MCUB: variants seen among roughly 807,000 people sequenced by gnomAD.
MCUB encodes mitochondrial calcium uniporter dominant negative subunit beta.
MCUB carries 46 observed loss-of-function variants against 41.4 expected under a neutral mutation model. The ratio of observed to expected loss-of-function variants is 1.11; its 90% CI spans 0.88 to 1.42. The LOEUF is 1.42. Ranked by LOEUF, MCUB falls within the 40% of genes most tolerant of loss-of-function variation. The pLI is 0.00. For synonymous variants in MCUB, 148 were observed against 148.2 expected, an observed-to-expected ratio of 1.00 and a Z score of 0.01; for missense variants, 403 against 404.9, an observed-to-expected ratio of 1.00 and a Z score of 0.04.
At chr4:109,561,324 C>T (rs1386811942) in intron 1 of MCUB, among the ~76,000 whole-genome samples, 1 of 152,170 alleles carries the variant, frequency 6.6e-6, no homozygotes, top group Non-Finnish European at 1.5e-5. Flanking sequence ...AAAAAGTAAG[C>T]AGTGTGATTC....
At chr4:109,618,946 T>G (rs1352531367) in intron 1 of MCUB, among the ~76,000 whole-genome samples, 3 of 141,616 alleles carry the variant, frequency 2.1e-5, no homozygotes, top group Non-Finnish European at 4.5e-5. Flanking sequence ...TTATTGAACA[T>G]TAAACTTCTC....
intron 1 of MCUB, among the ~76,000 whole-genome samples, chr4:109,639,623 C>T (rs1360009512): frequency 6.6e-6 from 1 of 152,050 alleles, no homozygotes; most frequent in African/African-American, 2.4e-5. Context: ...GGAGGTAGAA[C>T]TTGCAGGGAG....
chr4:109,655,159 T>G (rs1729062405), intron 1 of MCUB, among the ~76,000 whole-genome samples: 1 of 152,226 alleles, frequency 6.6e-6, no homozygotes, highest in Non-Finnish European at 1.5e-5. Flanking sequence ...TTCTAAAGGA[T>G]ACAGCTAAAC....
intron 1 of MCUB, among the ~76,000 whole-genome samples, chr4:109,610,496 T>G (rs988946939): frequency 2.0e-5 from 3 of 152,216 alleles, no homozygotes; most frequent in East Asian, 1.9e-4. Flanking sequence ...TATTGAGAGA[T>G]AGTGTTCATT....
chr4:109,628,459 A>T (rs2126137329), intron 1 of MCUB, among the ~76,000 whole-genome samples: 1 of 152,318 alleles, frequency 6.6e-6, no homozygotes, highest in Admixed American at 6.5e-5. Context: ...TACATGGGGA[A>T]TGATTGCAGA....
intron 1 of MCUB, among the ~76,000 whole-genome samples, chr4:109,624,173 C>A (rs750489538): frequency 5.3e-5 from 8 of 152,192 alleles, no homozygotes; most frequent in Non-Finnish European, 1.0e-4. Context: ...TTCTTCTGAT[C>A]TTAGACAGTG....
chr4:109,624,231 T>A (rs1203673145), intron 1 of MCUB, among the ~76,000 whole-genome samples: 1 of 152,154 alleles, frequency 6.6e-6, no homozygotes, highest in South Asian at 2.1e-4. Context: ...TTATGGAAAG[T>A]TATGAGTTTG....
At chr4:109,664,164 C>A in intron 3 of MCUB, 126 bp from the exon 4 acceptor site, 1 of 642,730 alleles carries the variant, frequency 1.6e-6, no homozygotes, top group African/African-American at 1.8e-5. Context: ...TGGGGACACC[C>A]CCCACAAAAG....
In MCUB at chr4:109,615,611, G is replaced by A. The variant is rs1400786233; in HGVS notation, c.100-43400G>A. Among the ~76,000 whole-genome samples the A allele has an allele frequency of 5.3e-5, 8 of 151,770 alleles. No homozygotes were observed. In the East Asian group the frequency reaches 7.8e-4, roughly 15 times the overall value. On this transcript the variant is annotated intron_variant, in intron 1 of 7. Coordinates refer to ENST00000394650, the MANE Select transcript of MCUB (RefSeq NM_017918.5). ...TTTTTAGTAGAGATGGGGTTTCACC[G>A]TATTAGCCAGGATGGTCTCGAACTC...
chr4:109,686,738 T>C (rs527545138), intron 7 of MCUB, among the ~76,000 whole-genome samples: 6 of 152,288 alleles, frequency 3.9e-5, no homozygotes, highest in Non-Finnish European at 8.8e-5. Context: ...TAGCTGGACA[T>C]GGTGGCACAT....
intron 1 of MCUB, among the ~76,000 whole-genome samples, chr4:109,561,833 C>T (rs1359960913): frequency 1.3e-5 from 2 of 152,178 alleles, no homozygotes; most frequent in African/African-American, 4.8e-5. Flanking sequence ...ACTGCAACTT[C>T]CGCCTCCTGG....
At chr4:109,574,258 G>T (rs193237537) in intron 1 of MCUB, among the ~76,000 whole-genome samples, 23 of 152,322 alleles carry the variant, frequency 1.5e-4, no homozygotes, top group African/African-American at 5.5e-4. Flanking sequence ...TTGTCATTCT[G>T]TGTTGCTTCC....
intron 4 of MCUB, among the ~76,000 whole-genome samples, chr4:109,672,406 A>C (rs939680088): frequency 6.6e-6 from 1 of 152,180 alleles, no homozygotes; most frequent in African/African-American, 2.4e-5. Context: ...TTTTCCTTCA[A>C]TGCTAGTTTA....
chr4:109,604,094 C>G (rs1039862052), intron 1 of MCUB, among the ~76,000 whole-genome samples: 16 of 151,928 alleles, frequency 1.1e-4, no homozygotes, highest in Admixed American at 9.8e-4. Context: ...CCCCCAACCC[C>G]GTGCTCTCTG....
intron 1 of MCUB, among the ~76,000 whole-genome samples, chr4:109,591,348 G>A (rs1439623460): frequency 6.6e-6 from 1 of 152,056 alleles, no homozygotes; most frequent in Admixed American, 6.5e-5. Flanking sequence ...ACCACGCCTG[G>A]CTAATTTTTG....
intron 1 of MCUB, among the ~76,000 whole-genome samples, chr4:109,569,667 C>A (rs1726867176): frequency 6.6e-6 from 1 of 151,908 alleles, no homozygotes; most frequent in Admixed American, 6.6e-5. Context: ...CCACACCTGG[C>A]TAATTTTTGT....
chr4:109,664,479 C>T, intron 4 of MCUB, 85 bp downstream of exon 4: 8 of 617,736 alleles, frequency 1.3e-5, no homozygotes, highest in Middle Eastern at 4.5e-4. Context: ...GGCTGGAGTA[C>T]AGTGACGTCG....
At chr4:109,678,578 C>T (rs915281177) in intron 4 of MCUB, among the ~76,000 whole-genome samples, 2 of 142,800 alleles carry the variant, frequency 1.4e-5, no homozygotes, top group African/African-American at 5.3e-5. Flanking sequence ...GAGCTCCTCA[C>T]CTCCCAGACA....
At chr4:109,616,670 C>T (rs988549026) in intron 1 of MCUB, among the ~76,000 whole-genome samples, 1 of 151,640 alleles carries the variant, frequency 6.6e-6, no homozygotes. Flanking sequence ...AAAGGAAAAC[C>T]TCTGATAATT....
Sources: gnomAD v4.1 joint callset for allele counts (sites outside exome capture counted in the v4.1 genomes callset) on GRCh38, gnomAD v4.1.1 for gene constraint, MANE v1.5 for transcripts, NCBI Gene and HGNC (gene_info 2026-07-23, HGNC 2026-07-21) for gene names.